CTNNA2: variants seen among roughly 807,000 people sequenced by gnomAD.
CTNNA2 encodes the protein catenin alpha-2.
Under a neutral mutation model 101.0 loss-of-function variants are expected in CTNNA2, and 42 were observed. That is an observed-to-expected ratio of 0.42 (90% CI 0.32 to 0.54). The LOEUF (loss-of-function observed/expected upper bound fraction) is 0.54. CTNNA2 is among the 20% of genes least tolerant of loss of function. CTNNA2 has a pLI of 0.14. For missense variants in CTNNA2, 871 were observed against 1,223.1 expected, an observed-to-expected ratio of 0.71 and a Z score of 4.29; for synonymous variants, 450 against 456.4, an observed-to-expected ratio of 0.99 and a Z score of 0.18.
chr2:79,793,358 G>A (rs997883997), intron 3 of CTNNA2, among the ~76,000 whole-genome samples: 2 of 152,136 alleles, frequency 1.3e-5, no homozygotes, highest in Non-Finnish European at 2.9e-5. Flanking sequence ...GAGACAGAGC[G>A]ACTCATGTAG....
intron 3 of CTNNA2, among the ~76,000 whole-genome samples, chr2:79,827,977 G>C (rs1678574976): frequency 6.6e-6 from 1 of 152,152 alleles, no homozygotes; most frequent in Non-Finnish European, 1.5e-5. Flanking sequence ...TCATGTTCTT[G>C]AGTCTTAAAG....
At chr2:79,774,699 CCA>C (rs1673835995) in intron 3 of CTNNA2, among the ~76,000 whole-genome samples, 1 of 152,076 alleles carries the variant, frequency 6.6e-6, no homozygotes, top group African/African-American at 2.4e-5. Context: ...TTGTGAATAT[CCA>C]CAAAACAGGG....
intron 4 of CTNNA2, among the ~76,000 whole-genome samples, chr2:79,378,721 A>C (rs1678006512): frequency 6.6e-6 from 1 of 152,222 alleles, no homozygotes; most frequent in Non-Finnish European, 1.5e-5. Flanking sequence ...TGAGGTGCTT[A>C]CATGAAGCAG....
chr2:79,523,292 A>G, intron 1 of CTNNA2: 2 of 447,806 alleles, frequency 4.5e-6, no homozygotes, highest in South Asian at 3.2e-5. Context: ...AGACTGCTTC[A>G]AAGAAATAGA....
intron 7 of CTNNA2, among the ~76,000 whole-genome samples, chr2:80,053,117 C>T (rs546777397): frequency 6.6e-6 from 1 of 152,084 alleles, no homozygotes; most frequent in Non-Finnish European, 1.5e-5. Flanking sequence ...AATTTGTTAC[C>T]ACAGACTTCA....
intron 7 of CTNNA2, among the ~76,000 whole-genome samples, chr2:80,116,700 T>C (rs1446509272): frequency 1.3e-5 from 2 of 152,144 alleles, no homozygotes; most frequent in Non-Finnish European, 2.9e-5. Context: ...TCTACTTTGG[T>C]AATTGAGATA....
At position 80,303,651 on chromosome 2, in the gene CTNNA2, G is replaced by A. The variant is rs768820946; in HGVS notation, c.1057-89560G>A. Reference sequence around the variant, plus strand: ...GACAGGTTGTGGGGCGCCTCGGTGAGGTTGAGCGCCTCGCAGTACAGCAGC... The same window carrying A: ...GACAGGTTGTGGGGCGCCTCGGTGAAGTTGAGCGCCTCGCAGTACAGCAGC... On this transcript the variant is annotated intron_variant, in intron 7 of 18. Transcript: ENST00000402739. This position sits in a 1 kb window ranked among gnomAD's most constrained non-coding sequence, Gnocchi z 7.7. 8.7e-6 allele frequency: 14 copies of A among 1,613,226 alleles called. No individual in the cohort carries two copies. Among genetic ancestry groups the A allele is most frequent in the East Asian group, 4.5e-5 (2 of 44,824 alleles).
chr2:80,322,877 G>A (rs999741635), intron 7 of CTNNA2, among the ~76,000 whole-genome samples: 9 of 152,194 alleles, frequency 5.9e-5, no homozygotes, highest in Non-Finnish European at 1.0e-4. Context: ...TGTGCCATGG[G>A]CAAAAGAGAA....
At chr2:79,820,254 T>C (rs1265952548) in intron 3 of CTNNA2, among the ~76,000 whole-genome samples, 1 of 152,222 alleles carries the variant, frequency 6.6e-6, no homozygotes, top group Non-Finnish European at 1.5e-5. Flanking sequence ...CCCTTGTTAG[T>C]GCATCTTCTA....
chr2:80,186,182 T>A (rs948158080), intron 7 of CTNNA2, among the ~76,000 whole-genome samples: 1 of 152,192 alleles, frequency 6.6e-6, no homozygotes, highest in African/African-American at 2.4e-5. Flanking sequence ...AATAAAGATG[T>A]TGGAGCCTTC....
intron 1 of CTNNA2, among the ~76,000 whole-genome samples, chr2:79,605,792 A>G (rs1677852068): frequency 6.6e-6 from 1 of 152,040 alleles, no homozygotes; most frequent in Non-Finnish European, 1.5e-5. Flanking sequence ...GTGGTGGTAC[A>G]TGCCTGTACT....
chr2:79,736,234 C>T (rs1300160570), intron 2 of CTNNA2, among the ~76,000 whole-genome samples: 1 of 152,074 alleles, frequency 6.6e-6, no homozygotes, highest in African/African-American at 2.4e-5. Context: ...CACAAGTATT[C>T]TGCTTTAGGA....
intron 4 of CTNNA2, among the ~76,000 whole-genome samples, chr2:79,388,044 A>G (rs1318398778): frequency 6.6e-6 from 1 of 152,126 alleles, no homozygotes; most frequent in Non-Finnish European, 1.5e-5. Flanking sequence ...AAGCTGTTGA[A>G]ATAATTGTGG....
chr2:80,193,549 A>C (rs889329583), intron 7 of CTNNA2, among the ~76,000 whole-genome samples: 1 of 152,222 alleles, frequency 6.6e-6, no homozygotes, highest in Non-Finnish European at 1.5e-5. Context: ...CACAGAACTA[A>C]TAAGAAAAGA....
At chr2:80,635,343 C>T (rs1446891372) in intron 18 of CTNNA2, among the ~76,000 whole-genome samples, 4 of 151,958 alleles carry the variant, frequency 2.6e-5, no homozygotes, top group African/African-American at 7.2e-5. Flanking sequence ...ACCCATGGAT[C>T]GACTGCTCAA....
At chr2:79,547,978 C>G (rs1330265300) in intron 1 of CTNNA2, 1 of 152,138 alleles carries the variant, frequency 6.6e-6, no homozygotes, top group Middle Eastern at 3.2e-3. Flanking sequence ...TTTGCATCTT[C>G]TTGATATTCA....
At chr2:80,363,445 A>C (rs188568916) in intron 7 of CTNNA2, among the ~76,000 whole-genome samples, 2 of 152,300 alleles carry the variant, frequency 1.3e-5, no homozygotes, top group East Asian at 3.9e-4. Context: ...CAGCTCTCTC[A>C]AATAAAGCCG....
chr2:79,218,413 C>G (rs1046921414), intron 2 of CTNNA2, among the ~76,000 whole-genome samples: 1 of 150,626 alleles, frequency 6.6e-6, no homozygotes, highest in Non-Finnish European at 1.5e-5. Flanking sequence ...GAACTCCTGG[C>G]CTCAAGCAGT....
chr2:79,199,196 C>T lies in CTNNA2; in HGVS notation c.-406+1120C>T, dbSNP rs570546162. On this transcript the variant is annotated intron_variant, in intron 2 of 21. Transcript: ENST00000466387. ...GAAGCAAAAATTTTTCCCTACGGGG[C>T]AAAGAGAGGCTATAACATGTGTGGC... Among the ~76,000 whole-genome samples, 17 of 152,264 alleles carry T rather than the reference C, an allele frequency of 1.1e-4. No homozygotes were observed. The South Asian group carries it at 3.5e-3, about 32-fold the overall frequency.
Sources: allele counts gnomAD v4.1 joint callset (sites outside exome capture counted in the v4.1 genomes callset), GRCh38; gene constraint gnomAD v4.1.1; non-coding constraint Gnocchi (gnomAD v3.1); transcripts MANE v1.5; gene names NCBI Gene and HGNC (gene_info 2026-07-23, HGNC 2026-07-21).